The following SYBU variants were observed in gnomAD, a reference collection of about 807,000 sequenced individuals.
SYBU encodes the protein GOLSYN A protein.
A neutral mutation model predicts 35.9 loss-of-function variants in SYBU; 21 were observed. The observed-to-expected ratio is 0.58, with a 90% CI of 0.41 to 0.84. The LOEUF (loss-of-function observed/expected upper bound fraction) is 0.84. Among genes scored for constraint, SYBU ranks in the 40% least tolerant of loss-of-function variants. SYBU has a pLI of 0.00. For missense variants in SYBU, 768 were observed against 848.2 expected, an observed-to-expected ratio of 0.91 and a Z score of 1.17; for synonymous variants, 319 against 324.3, an observed-to-expected ratio of 0.98 and a Z score of 0.18.
At chr8:109,682,504 A>G (rs1367022097), upstream of SYBU, among the ~76,000 whole-genome samples, 1 of 152,180 alleles carries the variant, frequency 6.6e-6, no homozygotes, top group East Asian at 1.9e-4. Flanking sequence ...GATCTGTGAA[A>G]CTTTGAACTT....
At chr8:109,685,663 C>T (rs1563781209), upstream of SYBU, among the ~76,000 whole-genome samples, 1 of 152,112 alleles carries the variant, frequency 6.6e-6, no homozygotes. Flanking sequence ...TCATAATTCT[C>T]ACAATTATAT....
chr8:109,583,507 C>T (rs970570685), intron 4 of SYBU, among the ~76,000 whole-genome samples: 10 of 152,182 alleles, frequency 6.6e-5, no homozygotes, highest in Admixed American at 5.2e-4. Context: ...AAAAATAACT[C>T]GTCAAAAATA....
chr8:109,621,877 A>G (rs1812438995), intron 2 of SYBU, among the ~76,000 whole-genome samples: 4 of 152,304 alleles, frequency 2.6e-5, no homozygotes, highest in Admixed American at 2.6e-4. Flanking sequence ...CACTTTATCT[A>G]TGCAAAGTAA....
intron 3 of SYBU, among the ~76,000 whole-genome samples, chr8:109,592,692 A>G (rs965174684): frequency 2.0e-5 from 3 of 152,266 alleles, no homozygotes; most frequent in Non-Finnish European, 2.9e-5. Flanking sequence ...AGAAACTTCA[A>G]TAAACAAGGA....
At chr8:109,599,412 T>C (rs1317281779) in intron 3 of SYBU, among the ~76,000 whole-genome samples, 1 of 152,222 alleles carries the variant, frequency 6.6e-6, no homozygotes, top group Non-Finnish European at 1.5e-5. Context: ...GGCCTCTTTG[T>C]TAAAAATACA....
At chr8:109,598,140 G>A (rs947913735) in intron 3 of SYBU, among the ~76,000 whole-genome samples, 17 of 152,222 alleles carry the variant, frequency 1.1e-4, no homozygotes, top group Non-Finnish European at 2.4e-4. Context: ...ACTGCCCTAA[G>A]ACAGGCCTAT....
chr8:109,612,994 A>AAG (rs1479337994), intron 3 of SYBU, among the ~76,000 whole-genome samples: 2 of 75,256 alleles, frequency 2.7e-5, no homozygotes, highest in Non-Finnish European at 4.9e-5. Context: ...AAAAAAAAAA[A>AAG]AAGAAGAAGA....
chr8:109,610,506 C>T (rs964622427), intron 3 of SYBU, among the ~76,000 whole-genome samples: 1 of 152,144 alleles, frequency 6.6e-6, no homozygotes, highest in Non-Finnish European at 1.5e-5. Context: ...TATGCCAGTC[C>T]GTGTATGTTG....
intron 2 of SYBU, among the ~76,000 whole-genome samples, chr8:109,619,337 C>T (rs1375847274): frequency 6.6e-6 from 1 of 151,968 alleles, no homozygotes; most frequent in African/African-American, 2.4e-5. Flanking sequence ...AATTCTCGTG[C>T]CTCAGCCTCC....
At chr8:109,602,392 G>T (rs1302670997) in intron 3 of SYBU, among the ~76,000 whole-genome samples, 1 of 150,774 alleles carries the variant, frequency 6.6e-6, no homozygotes, top group Non-Finnish European at 1.5e-5. Context: ...ATGGATTGAG[G>T]TACTCCAAGA....
chr8:109,658,070 C>A (rs897537182), intron 1 of SYBU, among the ~76,000 whole-genome samples: 3 of 152,174 alleles, frequency 2.0e-5, no homozygotes, highest in Non-Finnish European at 4.4e-5. Flanking sequence ...GTGCACCATA[C>A]AAAATCCCTT....
At chr8:109,647,114 C>T (rs557973955), upstream of SYBU, 1 of 152,316 alleles carries the variant, frequency 6.6e-6, no homozygotes, top group South Asian at 2.1e-4. Context: ...CCAGGTAATA[C>T]TGAAACTCCT....
At chr8:109,613,095 T>G (rs1305863172) in intron 3 of SYBU, among the ~76,000 whole-genome samples, 2 of 152,148 alleles carry the variant, frequency 1.3e-5, no homozygotes, top group Non-Finnish European at 2.9e-5. Context: ...TTTTCCCATC[T>G]CTGTTCATTG....
chr8:109,623,773 C>A (rs1812689151), intron 2 of SYBU, among the ~76,000 whole-genome samples: 1 of 151,988 alleles, frequency 6.6e-6, no homozygotes, highest in Admixed American at 6.6e-5. Context: ...TAAATTAAAT[C>A]TGTTGAGGTT....
intron 1 of SYBU, among the ~76,000 whole-genome samples, chr8:109,662,700 C>A (rs182183539): frequency 7.4e-4 from 112 of 152,270 alleles, no homozygotes; most frequent in Non-Finnish European, 1.4e-3. Flanking sequence ...GTAAACCATG[C>A]CTTGGGCTTC....
upstream of SYBU, among the ~76,000 whole-genome samples, chr8:109,681,631 G>A (rs182853849): frequency 1.5e-3 from 226 of 152,132 alleles, 1 homozygote; most frequent in African/African-American, 3.5e-3. Flanking sequence ...AACAGCATAC[G>A]TAATTCAATA....
chr8:109,579,947 G>A lies in SYBU; in HGVS notation c.586C>T (p.Pro196Ser). Residue 196 changes from proline (P) to serine (S), a missense_variant, in exon 5 of 7, where the codon CCA becomes TCA. Transcript: ENST00000276646. ...AGGTCCTTTTCCCGCGGGGATGATGGGCTGCTGCCAGGCTTGTGTGACGAA... is the reference window on the plus strand; with the variant it reads ...AGGTCCTTTTCCCGCGGGGATGATGAGCTGCTGCCAGGCTTGTGTGACGAA... ...GASSHKPGSSPSSPREKDLLS... is the reference protein window; with the variant it reads ...GASSHKPGSSSSSPREKDLLS... The A allele has an allele frequency of 1.2e-6, 2 of 1,613,788 alleles. No homozygotes were observed. The highest frequency in any genetic ancestry group is 1.7e-4 in the Middle Eastern group (1 of 5,798).
intron 1 of SYBU, among the ~76,000 whole-genome samples, chr8:109,666,219 A>G (rs1023908372): frequency 1.1e-4 from 16 of 152,122 alleles, no homozygotes; most frequent in Non-Finnish European, 7.3e-5. Flanking sequence ...AACACAACAT[A>G]TTCTTTGAAA....
intron 1 of SYBU, chr8:109,643,169 A>G: frequency 8.3e-7 from 1 of 1,198,162 alleles, no homozygotes; most frequent in Non-Finnish European, 1.0e-6. Context: ...ACACACACAC[A>G]CACATATACA....
Sources: allele counts gnomAD v4.1 joint callset (sites outside exome capture counted in the v4.1 genomes callset), GRCh38; gene constraint gnomAD v4.1.1; transcripts MANE v1.5; gene names NCBI Gene and HGNC (gene_info 2026-07-23, HGNC 2026-07-21).